SRPK1: variants seen among roughly 807,000 people sequenced by gnomAD.
SRPK1 encodes SRSF protein kinase 1.
A neutral mutation model predicts 89.5 loss-of-function variants in SRPK1; 52 were observed. That is an observed-to-expected ratio of 0.58 (90% CI 0.46 to 0.73). The LOEUF (loss-of-function observed/expected upper bound fraction) is 0.73, where lower values mean the gene tolerates loss of function less well. SRPK1 is among the 30% of genes least tolerant of loss of function. The pLI, the probability that SRPK1 is intolerant of heterozygous loss-of-function variation, is 0.00. For synonymous variants in SRPK1, 255 were observed against 270.2 expected (o/e 0.94, Z 0.55); for missense variants, 603 against 780.6 (o/e 0.77, Z 2.71).
chr6:35,906,815 C>T (rs193169339), intron 2 of SRPK1, among the ~76,000 whole-genome samples: 7 of 151,942 alleles, frequency 4.6e-5, no homozygotes, highest in Non-Finnish European at 1.0e-4. Context: ...TTAATTATAC[C>T]TCCATAAAAC....
intron 10 of SRPK1, 32 bp downstream of exon 10, chr6:35,870,249 G>A (rs1184071499): frequency 1.9e-6 from 3 of 1,576,502 alleles, no homozygotes; most frequent in Non-Finnish European, 2.6e-6. Flanking sequence ...AAAGTGTGTT[G>A]TACAGTAATT....
chr6:35,903,611 G>C (rs1418858392), intron 2 of SRPK1, among the ~76,000 whole-genome samples: 2 of 151,990 alleles, frequency 1.3e-5, no homozygotes, highest in Non-Finnish European at 2.9e-5. Context: ...TTTAGAATTT[G>C]AGTAAATTAA....
At chr6:35,837,323 C>T (rs950679335) in intron 15 of SRPK1, among the ~76,000 whole-genome samples, 1 of 152,186 alleles carries the variant, frequency 6.6e-6, no homozygotes, top group African/African-American at 2.4e-5. Flanking sequence ...ATTACCTGCC[C>T]TTTGGTAGAG....
At chr6:35,905,932 T>C (rs113307272) in intron 2 of SRPK1, among the ~76,000 whole-genome samples, 2,430 of 152,198 alleles carry the variant, frequency 0.016, 27 homozygotes, top group Middle Eastern at 0.037. Context: ...AGAAAAAGCA[T>C]AGAAACAATG....
chr6:35,918,560 T>A (rs1771164014), intron 2 of SRPK1, among the ~76,000 whole-genome samples: 1 of 152,096 alleles, frequency 6.6e-6, no homozygotes, highest in Non-Finnish European at 1.5e-5. Context: ...AAAAAACTTA[T>A]TAATTGGAAA....
chr6:35,904,261 C>T (rs935461741), intron 2 of SRPK1, among the ~76,000 whole-genome samples: 3 of 152,138 alleles, frequency 2.0e-5, no homozygotes, highest in Non-Finnish European at 2.9e-5. Context: ...AAACTGGATA[C>T]TATGGTCTTC....
chr6:35,869,147 T>A (rs748915487), intron 11 of SRPK1, 37 bp from the exon 12 acceptor site: 2 of 1,525,954 alleles, frequency 1.3e-6, no homozygotes, highest in Non-Finnish European at 1.8e-6. Context: ...GACTGTTCAA[T>A]GAACAGAGAA....
chr6:35,892,078 A>G (rs1395324261), intron 2 of SRPK1, among the ~76,000 whole-genome samples: 1 of 152,172 alleles, frequency 6.6e-6, no homozygotes, highest in African/African-American at 2.4e-5. Flanking sequence ...ATGTAGTATG[A>G]CTGCTTCCCA....
chr6:35,899,336 T>C (rs756036480), intron 2 of SRPK1, among the ~76,000 whole-genome samples: 2 of 152,204 alleles, frequency 1.3e-5, no homozygotes, highest in Non-Finnish European at 2.9e-5. Context: ...TGGCACCCTT[T>C]CAGAGAACTT....
intron 8 of SRPK1, among the ~76,000 whole-genome samples, chr6:35,872,320 A>C (rs986413069): frequency 1.3e-5 from 2 of 152,224 alleles, no homozygotes; most frequent in African/African-American, 4.8e-5. Context: ...TCAACTCATA[A>C]GAAAAAATAT....
At chr6:35,843,017 G>C (rs1391487810) in intron 13 of SRPK1, among the ~76,000 whole-genome samples, 1 of 148,260 alleles carries the variant, frequency 6.7e-6, no homozygotes, top group African/African-American at 2.5e-5. Context: ...TGCTTAGGCT[G>C]GAGTGCAGTG....
chr6:35,906,869 C>T (rs893162031), intron 2 of SRPK1, among the ~76,000 whole-genome samples: 1 of 152,090 alleles, frequency 6.6e-6, no homozygotes, highest in African/African-American at 2.4e-5. Flanking sequence ...ACCACAAATA[C>T]GTTCAAATTT....
chr6:35,836,785 A>AATT (rs1554148800), intron 15 of SRPK1, among the ~76,000 whole-genome samples: 22 of 131,350 alleles, frequency 1.7e-4, no homozygotes, highest in African/African-American at 6.0e-4. Context: ...TAATAATAAT[A>AATT]ATTTTTTTTA....
At chr6:35,858,986 G>A (rs1769721315) in intron 12 of SRPK1, among the ~76,000 whole-genome samples, 1 of 152,176 alleles carries the variant, frequency 6.6e-6, no homozygotes, top group Non-Finnish European at 1.5e-5. Context: ...CTGGGTAAAA[G>A]TATGGGATTG....
At chr6:35,887,186 T>C (rs1770429351) in intron 5 of SRPK1, among the ~76,000 whole-genome samples, 1 of 152,112 alleles carries the variant, frequency 6.6e-6, no homozygotes, top group African/African-American at 2.4e-5. Context: ...ATGGAAAAAC[T>C]TTCTCAATGA....
intron 6 of SRPK1, among the ~76,000 whole-genome samples, chr6:35,882,698 A>G (rs987740502): frequency 2.0e-5 from 3 of 152,210 alleles, no homozygotes; most frequent in Admixed American, 6.5e-5. Context: ...TACAGACAAA[A>G]CAAGATTGGC....
chr6:35,852,383 G>GT (rs928886030), intron 13 of SRPK1, among the ~76,000 whole-genome samples: 12 of 152,226 alleles, frequency 7.9e-5, no homozygotes, highest in African/African-American at 2.9e-4. Flanking sequence ...ATTATACTCT[G>GT]TTTTTTTGGT....
intron 12 of SRPK1, among the ~76,000 whole-genome samples, chr6:35,866,082 A>C (rs1398206784): frequency 6.6e-6 from 1 of 152,206 alleles, no homozygotes; most frequent in Non-Finnish European, 1.5e-5. Flanking sequence ...TTTCAAAAGA[A>C]GACAAATGGC....
intron 13 of SRPK1, among the ~76,000 whole-genome samples, chr6:35,846,384 A>T (rs907287699): frequency 6.6e-6 from 1 of 152,116 alleles, no homozygotes; most frequent in Admixed American, 6.6e-5. Flanking sequence ...CATGCTCAGG[A>T]GTTCGAGACC....
Sources: allele counts gnomAD v4.1 joint callset (sites outside exome capture counted in the v4.1 genomes callset), GRCh38; gene constraint gnomAD v4.1.1; transcripts MANE v1.5; gene names NCBI Gene and HGNC (gene_info 2026-07-23, HGNC 2026-07-21).